CCDC14: variants seen among roughly 807,000 people sequenced by gnomAD.
CCDC14 encodes the protein coiled-coil domain-containing protein 14.
In CCDC14, 71 loss-of-function variants were observed where a neutral mutation model predicts 81.4. The ratio of observed to expected loss-of-function variants is 0.87; its 90% CI spans 0.72 to 1.06. The LOEUF is 1.06. Ranked by LOEUF, CCDC14 falls within the 50% of genes least tolerant of loss-of-function variation. The pLI, the probability that CCDC14 is intolerant of heterozygous loss-of-function variation, is 0.00. For synonymous variants in CCDC14, 332 were observed against 364.8 expected (o/e 0.91, Z 1.03); for missense variants, 1,046 against 1,047.3 (o/e 1.00, Z 0.02).
At chr3:123,933,129 C>CAAACAAACAAACAAACAAAA (rs60220911) in intron 10 of CCDC14, among the ~76,000 whole-genome samples, 1 of 150,614 alleles carries the variant, frequency 6.6e-6, no homozygotes, top group Non-Finnish European at 1.5e-5. Flanking sequence ...AACAAACAAA[C>CAAACAAACAAACAAACAAAA]AAAGCTGACA....
chr3:123,949,997 T>C (rs2036914364), intron 5 of CCDC14, among the ~76,000 whole-genome samples: 1 of 152,154 alleles, frequency 6.6e-6, no homozygotes, highest in Non-Finnish European at 1.5e-5. Context: ...GAACCTAGTA[T>C]TAGTCTATGA....
At chr3:123,931,616 AGGCCT>A in intron 10 of CCDC14, 90 bp from the exon 11 acceptor site, 8 of 600,208 alleles carry the variant, frequency 1.3e-5, no homozygotes, top group Non-Finnish European at 1.9e-5. Flanking sequence ...AAAAAAAAAA[AGGCCT>A]GAAATTTATT....
downstream of CCDC14, among the ~76,000 whole-genome samples, chr3:123,912,778 T>TA (rs1039097190): frequency 6.6e-6 from 1 of 152,156 alleles, no homozygotes. Context: ...TCCAATGACT[T>TA]AATGTTTAAT....
At chr3:123,912,753 C>T (rs1267794264), downstream of CCDC14, among the ~76,000 whole-genome samples, 3 of 152,062 alleles carry the variant, frequency 2.0e-5, no homozygotes, top group Non-Finnish European at 2.9e-5. Context: ...ACACCACCAC[C>T]AGATCCCCAA....
At chr3:123,905,432 C>T (rs2700367) in intron 5 of CCDC14, among the ~76,000 whole-genome samples, 41,061 of 152,056 alleles carry the variant, frequency 0.27, 10,657 homozygotes, top group East Asian at 0.83. Flanking sequence ...AGTTGCCTTA[C>T]GGCAGGGCTT....
chr3:123,947,012 T>C lies in CCDC14; in HGVS notation c.992A>G (p.Gln331Arg), dbSNP rs144212456. The C allele has an allele frequency of 8.7e-4, 1,405 of 1,614,014 alleles. 8 individuals are homozygous for C. The East Asian group carries it at 0.023, about 27-fold the overall frequency. The change falls in exon 8 of 13, where the codon CAA becomes CGA. Residue 331 changes from glutamine to arginine, a missense_variant. Physicochemically the swap from Gln to Arg is conservative, Grantham distance 43. Coordinates refer to ENST00000409697, the MANE Select transcript of CCDC14 (RefSeq NM_001366335.1). Reference protein sequence around the residue: ...SQTHRSPTQSQPAFLATNEEK... With the variant: ...SQTHRSPTQSRPAFLATNEEK... The stretch of plus-strand genomic sequence containing the variant: ...TTCATTAGTGGCCAAGAAAGCTGGT[T>C]GTGACTGAGTAGGGCTTCGGTGTGT...
chr3:123,947,465 C>T, intron 7 of CCDC14, 146 bp from the exon 8 acceptor site: 1 of 613,638 alleles, frequency 1.6e-6, no homozygotes, highest in South Asian at 2.6e-5. Context: ...GTAGTTACCA[C>T]TATATTTTGA....
At chr3:123,929,501 C>T (rs1359114035) in intron 12 of CCDC14, among the ~76,000 whole-genome samples, 1 of 152,018 alleles carries the variant, frequency 6.6e-6, no homozygotes, top group Non-Finnish European at 1.5e-5. Flanking sequence ...CAGGGTTTTG[C>T]TGTGTTGCCC....
At chr3:123,910,403 G>A (rs1178527864), downstream of CCDC14, among the ~76,000 whole-genome samples, 11 of 151,982 alleles carry the variant, frequency 7.2e-5, no homozygotes, top group Admixed American at 6.5e-4. Context: ...CTGACAAACC[G>A]GTGGACATCA....
In CCDC14 at chr3:123,915,503, T is replaced by C. The variant is rs1447588350; in HGVS notation, c.1994A>G (p.Lys665Arg). 1.2e-6 allele frequency: 2 copies of C among 1,613,926 alleles called. No individual in the cohort carries two copies. Among genetic ancestry groups the C allele is most frequent in the East Asian group, 2.2e-5 (1 of 44,898 alleles). Residue 665 changes from lysine (K) to arginine (R), a missense_variant, in exon 13 of 13, where the codon AAA becomes AGA. By Grantham distance (26) the Lys-to-Arg change is conservative. Coordinates refer to ENST00000409697, the MANE Select transcript of CCDC14 (RefSeq NM_001366335.1). ...FTHSEPLSTI[K>R]NEETIEPDKT... ...GTCTGGCTCTATGGTTTCCTCATTTTTAATTGTAGAAAGTGGCTCTGAATG... is the reference window on the plus strand; with the variant it reads ...GTCTGGCTCTATGGTTTCCTCATTTCTAATTGTAGAAAGTGGCTCTGAATG...
At chr3:123,956,187 A>C in intron 3 of CCDC14, 72 bp from the exon 4 acceptor site, 1 of 1,397,144 alleles carries the variant, frequency 7.2e-7, no homozygotes, top group Non-Finnish European at 9.7e-7. Context: ...TAAATTATGT[A>C]GTTTTAAAAT....
Position 123,931,445 on chromosome 3 carries a change from T to C in CCDC14, c.1508A>G (p.Lys503Arg), listed in dbSNP as rs771356805. ...SLKSQELLQS[K>R]NEELLKVIEN... Reference sequence around the variant, plus strand: ...AATCACTTTTAACAGCTCTTCATTTTTACTCTGCAGTAATTCCTGGCTCTT... The same window carrying C: ...AATCACTTTTAACAGCTCTTCATTTCTACTCTGCAGTAATTCCTGGCTCTT... Residue 503 changes from lysine to arginine, a missense_variant, in exon 11 of 13, where the codon AAA (lysine) becomes AGA (arginine). Coordinates refer to ENST00000409697, the MANE Select transcript of CCDC14 (RefSeq NM_001366335.1). The C allele has an allele frequency of 1.3e-6, 2 of 1,572,864 alleles. No individual in the cohort carries two copies. Among genetic ancestry groups the C allele is most frequent in the South Asian group, 2.3e-5 (2 of 85,754 alleles).
chr3:123,921,943 T>G (rs1250035591), intron 12 of CCDC14, among the ~76,000 whole-genome samples: 1 of 152,204 alleles, frequency 6.6e-6, no homozygotes, highest in Non-Finnish European at 1.5e-5. Flanking sequence ...TCTTCTCTTG[T>G]GCACACAGAA....
At chr3:123,939,445 C>CT (rs34550609) in intron 9 of CCDC14, among the ~76,000 whole-genome samples, 27,867 of 129,388 alleles carry the variant, frequency 0.22, 3,467 homozygotes, top group East Asian at 0.43. Context: ...TGACACAGAT[C>CT]TTTTTTTTTT....
chr3:123,938,274 T>G (rs2036165959), intron 9 of CCDC14, among the ~76,000 whole-genome samples: 1 of 151,932 alleles, frequency 6.6e-6, no homozygotes, highest in Non-Finnish European at 1.5e-5. Context: ...TATCTCTCAC[T>G]TATACTGATC....
chr3:123,913,283 A>G, downstream of CCDC14: 2 of 641,434 alleles, frequency 3.1e-6, no homozygotes, highest in Non-Finnish European at 3.9e-6. Flanking sequence ...AATTGAACAC[A>G]CAAGCGTTTA....
intron 5 of CCDC14, among the ~76,000 whole-genome samples, chr3:123,898,134 GCTTT>G (rs975815161): frequency 6.6e-6 from 1 of 152,170 alleles, no homozygotes; most frequent in African/African-American, 2.4e-5. Context: ...AGTCACTGAA[GCTTT>G]CTTATTAACT....
At chr3:123,946,655 T>A in intron 8 of CCDC14, 148 bp downstream of exon 8, 1 of 777,760 alleles carries the variant, frequency 1.3e-6, no homozygotes, top group East Asian at 2.6e-5. Context: ...ACTTAAAAAA[T>A]AATACAATAA....
chr3:123,933,811 T>C (rs2035890789), intron 9 of CCDC14, 56 bp from the exon 10 acceptor site: 3 of 1,115,374 alleles, frequency 2.7e-6, no homozygotes, highest in Admixed American at 2.0e-5. Context: ...TTTAATAGTA[T>C]ACATGTGATA....
Sources: gnomAD v4.1 joint callset for allele counts (sites outside exome capture counted in the v4.1 genomes callset) on GRCh38, gnomAD v4.1.1 for gene constraint, MANE v1.5 for transcripts, NCBI Gene and HGNC (gene_info 2026-07-23, HGNC 2026-07-21) for gene names.